Variants in RNF180 observed in about 807,000 individuals in gnomAD.
The protein encoded by RNF180 is E3 ubiquitin-protein ligase RNF180.
Under a neutral mutation model 59.2 loss-of-function variants are expected in RNF180, and 38 were observed. That is an observed-to-expected ratio of 0.64 (90% CI 0.50 to 0.84). The LOEUF is 0.84. RNF180 is among the 40% of genes least tolerant of loss of function. The pLI is 0.00. For synonymous variants in RNF180, 262 were observed against 240.3 expected (o/e 1.09, Z -0.84); for missense variants, 705 against 700.9 (o/e 1.01, Z -0.07).
chr5:64,331,809 G>A (rs1744921230), intron 7 of RNF180, among the ~76,000 whole-genome samples: 2 of 152,142 alleles, frequency 1.3e-5, no homozygotes, highest in South Asian at 4.1e-4. Context: ...GCCCTTTGAG[G>A]AGCCCAGATG....
rs147934113 is a variant in RNF180, at chr5:64,241,550, A to G, written c.1227+24154A>G. On this transcript the variant is annotated intron_variant, in intron 5 of 7. Coordinates refer to ENST00000389100, the MANE Select transcript of RNF180 (RefSeq NM_001113561.2). ...TATGATAACTTATTCTATTTATTGC[A>G]TTTGACAGCTTTCTTAACTAATACA... Among the ~76,000 whole-genome samples, 349 of 152,308 alleles carry G rather than the reference A, an allele frequency of 2.3e-3. 4 individuals carry two copies. The highest frequency in any genetic ancestry group is 0.01 in the Middle Eastern group (3 of 294).
Position 64,213,729 on chromosome 5 carries a change from G to T in RNF180, c.403G>T (p.Val135Leu), listed in dbSNP as rs1561193178. The change falls in exon 4 of 8, where the codon GTG becomes TTG. Residue 135 changes from valine (V) to leucine (L), a missense_variant. Transcript: ENST00000389100. The part of the protein sequence containing the change: ...TQAGRLMRPS[V>L]KYLSHPRVQS... ...GGCAGGCAGACTAATGAGACCATCA[G>T]TGAAATACTTGTCACATCCTAGAGT... 6.2e-7 allele frequency: 1 copy of T among 1,614,198 alleles called. No individual in the cohort carries two copies. The highest frequency in any genetic ancestry group is 2.2e-5 in the East Asian group (1 of 44,888).
At chr5:64,248,284 G>T (rs1743319770) in intron 5 of RNF180, among the ~76,000 whole-genome samples, 1 of 152,182 alleles carries the variant, frequency 6.6e-6, no homozygotes, top group Admixed American at 6.5e-5. Flanking sequence ...AAGAGCTTCT[G>T]CTCAGCAAAG....
chr5:64,213,405 T>C (rs2112113818), intron 3 of RNF180, among the ~76,000 whole-genome samples, 153 bp from the exon 4 acceptor site: 1 of 152,332 alleles, frequency 6.6e-6, no homozygotes, highest in East Asian at 1.9e-4. Context: ...AGGCTTGTTT[T>C]ATTTGCTGTT....
intron 5 of RNF180, among the ~76,000 whole-genome samples, chr5:64,295,066 T>G (rs563032556): frequency 1.3e-5 from 2 of 152,336 alleles, no homozygotes; most frequent in South Asian, 4.1e-4. Context: ...GTAAGTGTTA[T>G]GTTTTAGGGT....
chr5:64,227,632 T>C (rs1275240571), intron 5 of RNF180, among the ~76,000 whole-genome samples: 1 of 152,200 alleles, frequency 6.6e-6, no homozygotes, highest in African/African-American at 2.4e-5. Flanking sequence ...TCACATACTC[T>C]GCAAAGAAAT....
At chr5:64,215,461 A>G (rs1752569616) in intron 4 of RNF180, among the ~76,000 whole-genome samples, 1 of 152,138 alleles carries the variant, frequency 6.6e-6, no homozygotes, top group African/African-American at 2.4e-5. Flanking sequence ...CTTCAGATTG[A>G]GTGTTTTTGT....
intron 7 of RNF180, among the ~76,000 whole-genome samples, chr5:64,331,840 C>T (rs1212995210): frequency 5.3e-5 from 8 of 152,180 alleles, no homozygotes; most frequent in African/African-American, 1.7e-4. Flanking sequence ...TGAGCCAGGG[C>T]TGTGACACCC....
chr5:64,169,623 T>C (rs1749830346), intron 1 of RNF180, among the ~76,000 whole-genome samples: 1 of 152,184 alleles, frequency 6.6e-6, no homozygotes, highest in South Asian at 2.1e-4. Flanking sequence ...AGACAAAGAA[T>C]CCACTTATTT....
intron 5 of RNF180, among the ~76,000 whole-genome samples, chr5:64,318,845 G>T (rs1178850404): frequency 6.6e-6 from 1 of 151,864 alleles, no homozygotes; most frequent in East Asian, 1.9e-4. Context: ...AAATGCCCAA[G>T]AAAAAACAAA....
chr5:64,182,357 A>G (rs1433255637), intron 1 of RNF180, among the ~76,000 whole-genome samples: 1 of 152,190 alleles, frequency 6.6e-6, no homozygotes, highest in East Asian at 1.9e-4. Flanking sequence ...GAGGATCTTC[A>G]CTAATCACCA....
chr5:64,277,467 A>G (rs1321600426), intron 5 of RNF180, among the ~76,000 whole-genome samples: 1 of 152,154 alleles, frequency 6.6e-6, no homozygotes, highest in Non-Finnish European at 1.5e-5. Context: ...TGTGTGAGCC[A>G]AGGAAAGGTA....
At chr5:64,214,834 G>C (rs1289935058) in intron 4 of RNF180, among the ~76,000 whole-genome samples, 4 of 152,036 alleles carry the variant, frequency 2.6e-5, no homozygotes, top group African/African-American at 9.7e-5. Context: ...GACATATTAG[G>C]ATTGTTTTGC....
chr5:64,236,937 A>T (rs758379543), intron 5 of RNF180, among the ~76,000 whole-genome samples: 34 of 152,180 alleles, frequency 2.2e-4, no homozygotes, highest in Non-Finnish European at 4.3e-4. Context: ...GTATATATGG[A>T]AATGCCTGGA....
At chr5:64,339,715 C>A (rs1382435475) in intron 7 of RNF180, among the ~76,000 whole-genome samples, 1 of 151,388 alleles carries the variant, frequency 6.6e-6, no homozygotes, top group African/African-American at 2.4e-5. Flanking sequence ...CACACACACA[C>A]AAAATTGCGA....
At chr5:64,261,842 C>A (rs1744358223) in intron 5 of RNF180, among the ~76,000 whole-genome samples, 1 of 152,062 alleles carries the variant, frequency 6.6e-6, no homozygotes, top group Admixed American at 6.6e-5. Flanking sequence ...GTTTGGCAGA[C>A]CCTCAAAGGC....
chr5:64,174,844 T>C (rs1443891567), intron 1 of RNF180, among the ~76,000 whole-genome samples: 1 of 152,168 alleles, frequency 6.6e-6, no homozygotes, highest in African/African-American at 2.4e-5. Context: ...GCCTGTGTTT[T>C]TGAGGTCTTA....
Position 64,214,523 on chromosome 5 carries a change from AT to A in RNF180, c.1191+11del. The A allele has an allele frequency of 6.2e-7, 1 of 1,605,198 alleles. No homozygotes were observed. The highest frequency in any genetic ancestry group is 8.5e-7 in the Non-Finnish European group (1 of 1,175,042). The stretch of plus-strand genomic sequence containing the variant: ...AAAGATGGCTACAGAAGCAGGTAAT[AT>A]TTTTCAAAAGAGTTTACTAAAAATC... On this transcript the variant is annotated splice_region_variant and intron_variant, in intron 4 of 7. Coordinates refer to ENST00000389100, the MANE Select transcript of RNF180 (RefSeq NM_001113561.2).
intron 7 of RNF180, among the ~76,000 whole-genome samples, chr5:64,335,341 ATC>A (rs1554044570): frequency 6.6e-6 from 1 of 152,024 alleles, no homozygotes; most frequent in Non-Finnish European, 1.5e-5. Flanking sequence ...CAATTTCTTC[ATC>A]TTTCTGGTGT....
Sources: allele counts gnomAD v4.1 joint callset (sites outside exome capture counted in the v4.1 genomes callset), GRCh38; gene constraint gnomAD v4.1.1; transcripts MANE v1.5; gene names NCBI Gene and HGNC (gene_info 2026-07-23, HGNC 2026-07-21).